The following GATA4 variants were observed in gnomAD, a reference collection of about 807,000 sequenced individuals.
GATA4 encodes the protein transcription factor GATA-4.
GATA4 carries 7 observed loss-of-function variants against 37.9 expected under a neutral mutation model. That is an observed-to-expected ratio of 0.18 (90% CI 0.11 to 0.35). The LOEUF (loss-of-function observed/expected upper bound fraction) is 0.35. GATA4 is among the 10% of genes least tolerant of loss of function. The pLI, the probability that GATA4 is intolerant of heterozygous loss-of-function variation, is 1.00. For synonymous variants in GATA4, 372 were observed against 292.6 expected (o/e 1.27, Z -2.77); for missense variants, 647 against 653.0 (o/e 0.99, Z 0.10).
At chr8:11,699,960 G>T (rs143434721), upstream of GATA4, among the ~76,000 whole-genome samples, 1 of 152,232 alleles carries the variant, frequency 6.6e-6, no homozygotes, top group African/African-American at 2.4e-5. Flanking sequence ...ATATTAAATA[G>T]AATGGAAAAA....
rs546624385 is a variant in GATA4, at chr8:11,696,291, C to T, written c.-729+3631C>T. On this transcript the variant is annotated intron_variant, in intron 1 of 2. Transcript: ENST00000526974. Reference sequence around the variant, plus strand: ...TCTACAGTCAACTCTTCCCCCTCCTCAGCCCCTGGCAACCTCTGATCTGTT... The same window carrying T: ...TCTACAGTCAACTCTTCCCCCTCCTTAGCCCCTGGCAACCTCTGATCTGTT... Among the ~76,000 whole-genome samples, 15 of 152,320 alleles carry T rather than the reference C, an allele frequency of 9.8e-5. No individual in the cohort carries two copies. In the South Asian group the frequency reaches 2.3e-3, roughly 23 times the overall value.
intron 2 of GATA4, among the ~76,000 whole-genome samples, chr8:11,746,340 G>T (rs1179424312): frequency 1.3e-5 from 2 of 152,104 alleles, no homozygotes; most frequent in East Asian, 3.8e-4. Flanking sequence ...ACTACACTCC[G>T]GCTTGGGTGA....
chr8:11,710,860 G>A (rs900870669), intron 2 of GATA4, among the ~76,000 whole-genome samples: 1 of 152,288 alleles, frequency 6.6e-6, no homozygotes, highest in African/African-American at 2.4e-5. Flanking sequence ...GGTGTCTCAC[G>A]CCTGTAATCC....
intron 2 of GATA4, among the ~76,000 whole-genome samples, chr8:11,745,057 G>T (rs755869373): frequency 6.6e-6 from 1 of 152,212 alleles, no homozygotes; most frequent in Non-Finnish European, 1.5e-5. Flanking sequence ...AATAGCAGAT[G>T]CTCAGTAAAT....
intron 2 of GATA4, among the ~76,000 whole-genome samples, chr8:11,720,791 T>A (rs976139081): frequency 6.6e-6 from 1 of 151,944 alleles, no homozygotes; most frequent in Non-Finnish European, 1.5e-5. Context: ...TTTTTTTTTA[T>A]ACGGCTGCAT....
chr8:11,693,331 G>C (rs1563190154), intron 1 of GATA4, among the ~76,000 whole-genome samples: 1 of 151,998 alleles, frequency 6.6e-6, no homozygotes, highest in East Asian at 1.9e-4. Context: ...AGGCGTCGTG[G>C]CGCGCGCCTG....
intron 5 of GATA4, chr8:11,756,608 T>C: frequency 2.4e-6 from 1 of 418,366 alleles, no homozygotes; most frequent in Non-Finnish European, 4.5e-6. Flanking sequence ...TAGAGTATTA[T>C]CTCAGGCCCT....
intron 5 of GATA4, among the ~76,000 whole-genome samples, chr8:11,756,178 T>A (rs1391321826): frequency 6.6e-6 from 1 of 152,122 alleles, no homozygotes; most frequent in Admixed American, 6.6e-5. Context: ...GACGAAAAAT[T>A]TATCTTCTAA....
chr8:11,746,830 C>T (rs921105439), intron 2 of GATA4, among the ~76,000 whole-genome samples: 2 of 152,262 alleles, frequency 1.3e-5, no homozygotes, highest in Admixed American at 6.5e-5. Context: ...ATAGCCTCTG[C>T]TGTGACGCCT....
intron 2 of GATA4, among the ~76,000 whole-genome samples, chr8:11,731,071 C>T (rs1446555290): frequency 1.3e-5 from 2 of 152,190 alleles, no homozygotes; most frequent in Non-Finnish European, 2.9e-5. Flanking sequence ...TTTTCATTTC[C>T]TTACCTGTAA....
Position 11,756,945 on chromosome 8 carries a change from C to T in GATA4, c.1011C>T (p.Gly337=), listed in dbSNP as rs1802602395. The change falls in exon 6 of 7, where the codon GGC becomes GGT. Residue 337 remains glycine (G), a synonymous_variant. Transcript: ENST00000532059. ...NKSKTPAAPS[G]SESLPPASGA... The stretch of plus-strand genomic sequence containing the variant: ...TCTGCTTCATTCCAGCTCCTTCAGG[C>T]AGTGAGAGCCTTCCTCCCGCCAGCG... The T allele has an allele frequency of 6.2e-7, 1 of 1,614,118 alleles. No individual in the cohort carries two copies. Among genetic ancestry groups the T allele is most frequent in the Admixed American group, 1.7e-5 (1 of 60,006 alleles).
chr8:11,756,358 T>C (rs28438570), intron 5 of GATA4: 23,287 of 166,812 alleles, frequency 0.14, 4,000 homozygotes, highest in African/African-American at 0.42. Flanking sequence ...CCTGCTTCCC[T>C]ACTGCTGACG....
intron 2 of GATA4, among the ~76,000 whole-genome samples, chr8:11,710,574 C>T (rs1310351242): frequency 3.3e-5 from 5 of 149,664 alleles, no homozygotes; most frequent in East Asian, 2.0e-4. Context: ...CCTGTAGTCT[C>T]AGCTACTGGG....
rs1802536262 is a variant in GATA4, at chr8:11,755,904, G to C, written c.1000+771G>C. Among the ~76,000 whole-genome samples the C allele has an allele frequency of 2.4e-5, 3 of 123,214 alleles. No homozygotes were observed. In the South Asian group the frequency reaches 7.9e-4, roughly 32 times the overall value. The allele number at this position is 123,214 out of a possible 152,430, so 80.8% of individuals were successfully genotyped here. A position where few individuals can be genotyped will look rare whatever the true frequency, so the allele number is the denominator to read the frequency against. ...AGCCTGGAGAGCAGAGCAAGACCCT[G>C]TCTTTAAAAAAAAAAAAAAGAAATA... On this transcript the variant is annotated intron_variant, in intron 5 of 6. Coordinates refer to ENST00000532059, the MANE Select transcript of GATA4 (RefSeq NM_001308093.3).
chr8:11,748,794 G>A, intron 2 of GATA4, 122 bp from the exon 3 acceptor site: 1 of 1,106,780 alleles, frequency 9.0e-7, no homozygotes, highest in Non-Finnish European at 1.4e-6. Flanking sequence ...AGCCCGAGGT[G>A]GTCTTCTCTT....
Position 11,709,580 on chromosome 8 carries a change from G to C in GATA4, c.616+652G>C, listed in dbSNP as rs968256259. ...TGGGCGCATCATGCGGGCAGCGGGG[G>C]GGGGGGCGCACACGCCCGGTCAGTG... is the stretch of plus-strand genomic sequence containing the variant. On this transcript the variant is annotated intron_variant, in intron 2 of 6. Transcript: ENST00000532059. This position sits in a 1 kb window ranked among gnomAD's most constrained non-coding sequence, Gnocchi z 4.3. Among the ~76,000 whole-genome samples, 26 of 151,954 alleles carry C rather than the reference G, an allele frequency of 1.7e-4. No homozygotes were observed. The highest frequency in any genetic ancestry group is 1.3e-4 in the Admixed American group (2 of 15,268).
chr8:11,697,588 C>A (rs1194735296), intron 1 of GATA4: 1 of 985,316 alleles, frequency 1.0e-6, no homozygotes, highest in Non-Finnish European at 1.2e-6. Context: ...CTGAAGGGGT[C>A]CTCGCCTGCG....
In GATA4 at chr8:11,708,997, G is replaced by GC; in HGVS notation, c.616+71dup. ...GGGGCCGTCTTGAGCCCTGTCGAGG[G>GC]CCTCTTGTTTTTCCACCAACGCCTT... On this transcript the variant is annotated intron_variant, in intron 2 of 6. Transcript: ENST00000532059. The surrounding 1 kb of genome is among the most constrained non-coding windows in gnomAD (Gnocchi z 6.7). 6.9e-7 allele frequency: 1 copy of GC among 1,451,216 alleles called. No homozygotes were observed. Among genetic ancestry groups the GC allele is most frequent in the Non-Finnish European group, 9.1e-7 (1 of 1,099,266 alleles). 89.9% of individuals were successfully genotyped at this position (1,451,216 alleles called of 1,614,324 possible).
At chr8:11,716,239 C>A (rs900760945) in intron 2 of GATA4, among the ~76,000 whole-genome samples, 3 of 151,924 alleles carry the variant, frequency 2.0e-5, no homozygotes, top group African/African-American at 7.3e-5. Context: ...ATTTTAAAAA[C>A]ATATTAAACT....
Sources: gnomAD v4.1 joint callset for allele counts (sites outside exome capture counted in the v4.1 genomes callset) on GRCh38, gnomAD v4.1.1 for gene constraint, Gnocchi (gnomAD v3.1) non-coding constraint, MANE v1.5 for transcripts, NCBI Gene and HGNC (gene_info 2026-07-23, HGNC 2026-07-21) for gene names.